RABEP1: variants seen among roughly 807,000 people sequenced by gnomAD.
RABEP1 encodes the protein rab GTPase-binding effector protein 1.
Under a neutral mutation model 123.4 loss-of-function variants are expected in RABEP1, and 51 were observed. That is an observed-to-expected ratio of 0.41 (90% CI 0.33 to 0.52). RABEP1 has a LOEUF of 0.52. Among genes scored for constraint, RABEP1 ranks in the 20% least tolerant of loss-of-function variants. The pLI is 0.16. For synonymous variants in RABEP1, 347 were observed against 355.2 expected, an observed-to-expected ratio of 0.98 and a Z score of 0.26; for missense variants, 888 against 996.3, an observed-to-expected ratio of 0.89 and a Z score of 1.46.
intron 8 of RABEP1, chr17:5,356,649 CTTT>C (rs545704829): frequency 5.3e-5 from 7 of 133,276 alleles, no homozygotes; most frequent in East Asian, 2.1e-4. Context: ...TAACATATTT[CTTT>C]TTTTTTTTTT....
At chr17:5,292,754 C>T (rs949415400) in intron 1 of RABEP1, among the ~76,000 whole-genome samples, 21 of 152,048 alleles carry the variant, frequency 1.4e-4, no homozygotes, top group African/African-American at 4.8e-4. Context: ...CGATCTTGCC[C>T]GATTGCAATC....
intron 1 of RABEP1, among the ~76,000 whole-genome samples, chr17:5,289,696 C>T (rs553624369): frequency 9.9e-5 from 15 of 152,254 alleles, no homozygotes; most frequent in Admixed American, 2.0e-4. Context: ...GTCTCGCTTC[C>T]AGGGCTGAGG....
intron 6 of RABEP1, among the ~76,000 whole-genome samples, chr17:5,349,871 TAAC>T (rs1274309878): frequency 6.6e-6 from 1 of 152,134 alleles, no homozygotes; most frequent in Non-Finnish European, 1.5e-5. Context: ...CTTTGCAAAA[TAAC>T]AATAATAATA....
At chr17:5,371,988 G>A (rs948987227) in intron 12 of RABEP1, among the ~76,000 whole-genome samples, 2 of 152,080 alleles carry the variant, frequency 1.3e-5, no homozygotes, top group African/African-American at 2.4e-5. Flanking sequence ...CTTAAGGTAA[G>A]TGACTTTAGT....
At chr17:5,335,540 A>C (rs559897529) in intron 4 of RABEP1, among the ~76,000 whole-genome samples, 196 bp downstream of exon 4, 67 of 152,260 alleles carry the variant, frequency 4.4e-4, no homozygotes, top group Non-Finnish European at 7.6e-4. Context: ...ATTTTTGATC[A>C]AATATCACTA....
chr17:5,344,067 T>C (rs1325796190), intron 5 of RABEP1, among the ~76,000 whole-genome samples: 2 of 152,186 alleles, frequency 1.3e-5, no homozygotes, highest in African/African-American at 4.8e-5. Flanking sequence ...TGTTAAAAGA[T>C]ACTATTAATA....
chr17:5,310,444 C>T (rs1171601821), intron 2 of RABEP1, among the ~76,000 whole-genome samples: 1 of 151,752 alleles, frequency 6.6e-6, no homozygotes, highest in South Asian at 2.1e-4. Flanking sequence ...CCCAGCCTCC[C>T]GAGTAGCTGG....
intron 2 of RABEP1, among the ~76,000 whole-genome samples, chr17:5,326,385 T>C (rs569988093): frequency 6.6e-6 from 1 of 152,194 alleles, no homozygotes; most frequent in South Asian, 2.1e-4. Context: ...AAGAAGGCAA[T>C]TTGAAAAGGC....
At chr17:5,286,151 AG>A (rs1480979552) in intron 1 of RABEP1, among the ~76,000 whole-genome samples, 1 of 152,200 alleles carries the variant, frequency 6.6e-6, no homozygotes, top group Non-Finnish European at 1.5e-5. Context: ...TAATCCTACA[AG>A]CTCTGGATGA....
intron 2 of RABEP1, among the ~76,000 whole-genome samples, chr17:5,331,089 G>GT (rs1906504406): frequency 1.0e-5 from 1 of 96,862 alleles, no homozygotes; most frequent in Non-Finnish European, 2.0e-5. Flanking sequence ...GAAAAGTTTT[G>GT]TAAGAGAAGA....
intron 17 of RABEP1, among the ~76,000 whole-genome samples, chr17:5,382,627 T>C (rs140341776): frequency 0.025 from 3,768 of 151,734 alleles, 150 homozygotes; most frequent in African/African-American, 0.086. Context: ...TGGCGTGTGC[T>C]TATAATCCCA....
intron 2 of RABEP1, among the ~76,000 whole-genome samples, chr17:5,320,421 C>CAAAAAAAAAAAAAAAAAA (rs60202531): frequency 3.0e-4 from 25 of 84,636 alleles, no homozygotes; most frequent in Non-Finnish European, 4.9e-4. Context: ...GCTAACACAC[C>CAAAAAAAAAAAAAAAAAA]AAAAAAAAAA....
chr17:5,343,311 T>C (rs1459406026), intron 5 of RABEP1, among the ~76,000 whole-genome samples: 2 of 152,152 alleles, frequency 1.3e-5, no homozygotes, highest in African/African-American at 4.8e-5. Flanking sequence ...TCCAGCACTT[T>C]GGGAGGCTGA....
rs546905117 is a variant in RABEP1, at chr17:5,288,707, T to G, written c.34+6187T>G. On this transcript the variant is annotated intron_variant, in intron 1 of 17. Coordinates refer to ENST00000537505, the MANE Select transcript of RABEP1 (RefSeq NM_004703.6). Reference sequence around the variant, plus strand: ...ACTGCGCCTGGCCTATTTTATTTCTTTTCTTTATTTTTTTGAGACCAAGTC... The same window carrying G: ...ACTGCGCCTGGCCTATTTTATTTCTGTTCTTTATTTTTTTGAGACCAAGTC... Among the ~76,000 whole-genome samples, 5 of 151,370 alleles carry G rather than the reference T, an allele frequency of 3.3e-5. No homozygotes were observed. The South Asian group carries it at 1.0e-3, about 32-fold the overall frequency.
chr17:5,305,979 C>T (rs766377074), intron 1 of RABEP1, among the ~76,000 whole-genome samples: 40 of 152,242 alleles, frequency 2.6e-4, no homozygotes, highest in East Asian at 5.8e-4. Flanking sequence ...CATCCTCTTT[C>T]GGCAATGATT....
chr17:5,331,006 A>G (rs1052769855), intron 2 of RABEP1, among the ~76,000 whole-genome samples: 2 of 149,268 alleles, frequency 1.3e-5, no homozygotes, highest in African/African-American at 4.9e-5. Flanking sequence ...CCTGTGCGAC[A>G]ATTGAGACCC....
chr17:5,337,186 T>G (rs1907177128), intron 4 of RABEP1, among the ~76,000 whole-genome samples: 1 of 152,226 alleles, frequency 6.6e-6, no homozygotes, highest in Non-Finnish European at 1.5e-5. Context: ...GGTCACTCTT[T>G]GTGTTTGTTT....
intron 2 of RABEP1, among the ~76,000 whole-genome samples, chr17:5,316,034 C>T (rs552297462): frequency 2.0e-5 from 3 of 152,190 alleles, no homozygotes; most frequent in Admixed American, 6.5e-5. Flanking sequence ...CTCCAAAGTG[C>T]AGAGAAAAAA....
rs530805729 is a variant in RABEP1, at chr17:5,382,868, C to T, written c.2488-254C>T. On this transcript the variant is annotated intron_variant, in intron 17 of 17. Transcript: ENST00000537505. ...CCGGGAGGTGGAGACTACAGTGAGC[C>T]GAGATCACACCATTGCACTCTGGCC... 2.1e-4 allele frequency among the ~76,000 whole-genome samples: 32 copies of T among 151,718 alleles called. No homozygotes were observed. The South Asian group carries it at 2.7e-3, about 13-fold the overall frequency.
Sources: gnomAD v4.1 joint callset for allele counts (sites outside exome capture counted in the v4.1 genomes callset) on GRCh38, gnomAD v4.1.1 for gene constraint, MANE v1.5 for transcripts, NCBI Gene and HGNC (gene_info 2026-07-23, HGNC 2026-07-21) for gene names.